KBTBD2: variants seen among roughly 807,000 people sequenced by gnomAD.
KBTBD2 encodes kelch repeat and BTB domain-containing protein 2.
In KBTBD2, 17 loss-of-function variants were observed where a neutral mutation model predicts 57.1. That is an observed-to-expected ratio of 0.30 (90% CI 0.20 to 0.45). The LOEUF (loss-of-function observed/expected upper bound fraction) is 0.45, where lower values mean the gene tolerates loss of function less well. Ranked by LOEUF, KBTBD2 falls within the 20% of genes least tolerant of loss-of-function variation. KBTBD2 has a pLI of 1.00. For missense variants in KBTBD2, 515 were observed against 750.6 expected, an observed-to-expected ratio of 0.69 and a Z score of 3.67; for synonymous variants, 267 against 262.7, an observed-to-expected ratio of 1.02 and a Z score of -0.16.
At chr7:32,884,995 T>TATGTGTATATATATATATATACAC (rs1784537520) in intron 1 of KBTBD2, among the ~76,000 whole-genome samples, 1 of 76,710 alleles carries the variant, frequency 1.3e-5, no homozygotes, top group Non-Finnish European at 2.3e-5. Flanking sequence ...TATATACACA[T>TATGTGTATATATATATATATACAC]ATATGTGTAT....
intron 3 of KBTBD2, 172 bp downstream of exon 3, chr7:32,874,820 C>T (rs1784270420): frequency 2.0e-6 from 1 of 493,460 alleles, no homozygotes. Flanking sequence ...GGTGAAACCC[C>T]GTACTAAAAA....
chr7:32,869,973 A>G lies in KBTBD2; in HGVS notation c.1244T>C (p.Leu415Ser). 1 of 1,614,146 alleles carries G rather than the reference A, an allele frequency of 6.2e-7. No individual in the cohort carries two copies. The highest frequency in any genetic ancestry group is 8.5e-7 in the Non-Finnish European group (1 of 1,180,008). ...EKDEWTMVSP[L>S]PCAWQWSAAV... ...TGCACTCCATTGCCAAGCACAAGGTAAAGGGCTTACCATCGTCCACTCATC... is the reference window on the plus strand; with the variant it reads ...TGCACTCCATTGCCAAGCACAAGGTGAAGGGCTTACCATCGTCCACTCATC... Residue 415 changes from leucine (L) to serine (S), a missense_variant, in exon 4 of 4, where the codon TTA becomes TCA. Transcript: ENST00000304056.
At chr7:32,873,418 A>G (rs1475537695) in intron 3 of KBTBD2, among the ~76,000 whole-genome samples, 1 of 151,770 alleles carries the variant, frequency 6.6e-6, no homozygotes, top group Non-Finnish European at 1.5e-5. Context: ...AAACACTTAA[A>G]TTCAATAAAC....
intron 1 of KBTBD2, among the ~76,000 whole-genome samples, chr7:32,889,316 AGATCGGCCGTC>A (rs1367849453): frequency 6.6e-6 from 1 of 151,050 alleles, no homozygotes; most frequent in East Asian, 1.9e-4. Context: ...AAATTACTTG[AGATCGGCCGTC>A]TGCGGTAGCT....
upstream of KBTBD2, chr7:32,891,878 G>GCCCCCGCCGCCCCCGCCGCCC (rs1784762592): frequency 9.9e-6 from 1 of 100,534 alleles, no homozygotes; most frequent in African/African-American, 4.1e-5. Context: ...CGCCGGGCCC[G>GCCCCCGCCGCCCCCGCCGCCC]CCGCCCCCGC....
chr7:32,886,963 G>C (rs931289167), intron 1 of KBTBD2, among the ~76,000 whole-genome samples: 18 of 151,386 alleles, frequency 1.2e-4, no homozygotes, highest in Non-Finnish European at 2.4e-4. Flanking sequence ...TGGCTTTTTG[G>C]GGGGAGGCAA....
chr7:32,881,514 G>C (rs1348228661), intron 1 of KBTBD2, among the ~76,000 whole-genome samples: 3 of 151,990 alleles, frequency 2.0e-5, no homozygotes, highest in Non-Finnish European at 4.4e-5. Context: ...CAAAGAGAAT[G>C]ACATACACTT....
At chr7:32,877,121 C>T (rs952176171) in intron 2 of KBTBD2, among the ~76,000 whole-genome samples, 1 of 152,012 alleles carries the variant, frequency 6.6e-6, no homozygotes, top group Non-Finnish European at 1.5e-5. Flanking sequence ...CAGGTTCAAG[C>T]GATTCTCCTA....
chr7:32,868,714 T>C lies in KBTBD2; in HGVS notation c.*631A>G, dbSNP rs1397234111. 1 of 152,648 alleles carries C rather than the reference T, an allele frequency of 6.6e-6. No individual in the cohort carries two copies. Among genetic ancestry groups the C allele is most frequent in the African/African-American group, 2.4e-5 (1 of 41,438 alleles). The allele number at this position is 152,648 out of a possible 1,614,324, so 9.5% of individuals were successfully genotyped here. ...CACACCTGGTAAATGACCAGCTGAC[T>C]GGAAGACCTGTATTCTAGATAGACA... On this transcript the variant is annotated 3_prime_UTR_variant, in exon 4 of 4. Coordinates refer to ENST00000304056, the MANE Select transcript of KBTBD2 (RefSeq NM_015483.3).
chr7:32,881,186 T>C (rs917839651), intron 1 of KBTBD2, among the ~76,000 whole-genome samples: 2 of 152,004 alleles, frequency 1.3e-5, no homozygotes, highest in East Asian at 3.9e-4. Flanking sequence ...ACAAATAATG[T>C]TGGAAGTGGC....
At chr7:32,883,737 G>A (rs1201005053) in intron 1 of KBTBD2, among the ~76,000 whole-genome samples, 1 of 152,184 alleles carries the variant, frequency 6.6e-6, no homozygotes, top group Non-Finnish European at 1.5e-5. Flanking sequence ...CTGAATGAAT[G>A]GCTAAATTCC....
chr7:32,890,803 T>G (rs1033024609), intron 1 of KBTBD2, among the ~76,000 whole-genome samples: 1 of 152,190 alleles, frequency 6.6e-6, no homozygotes, highest in Non-Finnish European at 1.5e-5. Context: ...CTCTACCTTT[T>G]GAGGCAGGTA....
intron 2 of KBTBD2, among the ~76,000 whole-genome samples, chr7:32,877,041 CAG>C (rs146214968): frequency 0.48 from 73,251 of 151,696 alleles, 19,313 homozygotes; most frequent in African/African-American, 0.71. Flanking sequence ...TTTTTTGAGA[CAG>C]AGTCTCACCC....
rs1473544723 is a variant in KBTBD2 at position 32,868,235 on chromosome 7, C to T, written c.*1110G>A. Reference sequence around the variant, plus strand: ...CAAAATACAGTGCCAGAACATGGTGCAGTTGAACATGCTAGTAATGTTTGT... The same window carrying T: ...CAAAATACAGTGCCAGAACATGGTGTAGTTGAACATGCTAGTAATGTTTGT... On this transcript the variant is annotated 3_prime_UTR_variant, in exon 4 of 4. Coordinates refer to ENST00000304056, the MANE Select transcript of KBTBD2 (RefSeq NM_015483.3). 3.3e-5 allele frequency: 5 copies of T among 152,422 alleles called. No individual in the cohort carries two copies. Among genetic ancestry groups the T allele is most frequent in the Non-Finnish European group, 7.4e-5 (5 of 68,004 alleles). 9.4% of individuals were successfully genotyped at this position (152,422 alleles called of 1,614,324 possible).
In KBTBD2 at chr7:32,875,064, A is replaced by G. The variant is rs199659225; in HGVS notation, c.264T>C (p.Tyr88=). Residue 88 remains tyrosine (Y), a synonymous_variant, in exon 3 of 4, where the codon TAT becomes TAC. Coordinates refer to ENST00000304056, the MANE Select transcript of KBTBD2 (RefSeq NM_015483.3). ...TCATTGCCAAGTTACCCGTGTATGC[A>G]TAAGTTATTATTATCTGTAAGGTGG... ...DAATLQIIIT[Y]AYTGNLAMND... 17 of 1,614,072 alleles carry G rather than the reference A, an allele frequency of 1.1e-5. No individual in the cohort carries two copies. The highest frequency in any genetic ancestry group is 1.4e-5 in the Non-Finnish European group (16 of 1,180,014).
chr7:32,886,375 A>C (rs560778437), intron 1 of KBTBD2, among the ~76,000 whole-genome samples: 1 of 152,326 alleles, frequency 6.6e-6, no homozygotes, highest in African/African-American at 2.4e-5. Flanking sequence ...GTGAATTCCA[A>C]CACATAAAAG....
chr7:32,878,400 G>A (rs1249798613), intron 2 of KBTBD2, among the ~76,000 whole-genome samples: 2 of 151,856 alleles, frequency 1.3e-5, no homozygotes, highest in East Asian at 3.9e-4. Flanking sequence ...CCAACATGGT[G>A]AAACCCCATC....
Position 32,879,491 on chromosome 7 carries a change from C to T in KBTBD2, c.114G>A (p.Glu38=), listed in dbSNP as rs771553019. 11 of 1,613,144 alleles carry T rather than the reference C, an allele frequency of 6.8e-6. No individual in the cohort carries two copies. The highest frequency in any genetic ancestry group is 5.1e-6 in the Non-Finnish European group (6 of 1,179,422). ...QLFTDIVLIV[E]GTEFPCHKMV... is the part of the protein sequence containing the mutation. ...TCTTATGACAAGGGAATTCAGTGCC[C>T]TCAACAATTAACACTATGTCAGTAA... The change falls in exon 2 of 4, where the codon GAG becomes GAA. Residue 38 remains glutamate, a synonymous_variant. Transcript: ENST00000304056.
At chr7:32,886,853 A>T (rs1371172157) in intron 1 of KBTBD2, among the ~76,000 whole-genome samples, 1 of 152,206 alleles carries the variant, frequency 6.6e-6, no homozygotes, top group Non-Finnish European at 1.5e-5. Context: ...CTGATTATTA[A>T]CATTAAAGGA....
Sources: allele counts gnomAD v4.1 joint callset (sites outside exome capture counted in the v4.1 genomes callset), GRCh38; gene constraint gnomAD v4.1.1; transcripts MANE v1.5; gene names NCBI Gene and HGNC (gene_info 2026-07-23, HGNC 2026-07-21).